FGFR2: variants seen among roughly 807,000 people sequenced by gnomAD.
FGFR2 encodes fibroblast growth factor receptor 2, also known as BEK fibroblast growth factor receptor.
Under a neutral mutation model 95.9 loss-of-function variants are expected in FGFR2, and 19 were observed. That is an observed-to-expected ratio of 0.20 (90% CI 0.14 to 0.29). FGFR2 has a LOEUF of 0.29. Among genes scored for constraint, FGFR2 ranks in the 10% least tolerant of loss-of-function variants. FGFR2 has a pLI of 1.00. For missense variants in FGFR2, 707 were observed against 1,056.9 expected, an observed-to-expected ratio of 0.67 and a Z score of 4.59; for synonymous variants, 392 against 393.3, an observed-to-expected ratio of 1.00 and a Z score of 0.04.
At chr10:121,525,187 G>A (rs528553667) in intron 6 of FGFR2, among the ~76,000 whole-genome samples, 51 of 152,222 alleles carry the variant, frequency 3.4e-4, no homozygotes, top group African/African-American at 1.2e-3. Flanking sequence ...AAGAATAGAC[G>A]TTCTGAGGTT....
At chr10:121,580,009 T>C (rs913563287) in intron 2 of FGFR2, among the ~76,000 whole-genome samples, 1 of 152,184 alleles carries the variant, frequency 6.6e-6, no homozygotes, top group Admixed American at 6.5e-5. Context: ...AAATGGTGCA[T>C]ACTCCAGCGG....
chr10:121,572,158 G>A (rs28447442), intron 2 of FGFR2, among the ~76,000 whole-genome samples: 86 of 105,796 alleles, frequency 8.1e-4, no homozygotes, highest in African/African-American at 1.5e-3. Flanking sequence ...CACAAAAAAT[G>A]AAAAAAAAAA....
At position 121,593,608 on chromosome 10, in the gene FGFR2, C is replaced by T. The variant is rs1862999407; in HGVS notation, c.109+101G>A. ...CCACGATCTGGTGCTCTTAGAAGCC[C>T]CATTTACAATGCAAGGGTAGCTGAT... On this transcript the variant is annotated intron_variant, in intron 2 of 17. Transcript: ENST00000358487. 7.9e-6 allele frequency: 8 copies of T among 1,018,808 alleles called. No individual in the cohort carries two copies. In the Admixed American group the frequency reaches 1.6e-4, roughly 20 times the overall value. 63.1% of individuals were successfully genotyped at this position (1,018,808 alleles called of 1,614,324 possible).
At chr10:121,496,397 G>T in intron 13 of FGFR2, 135 bp downstream of exon 13, 1 of 905,758 alleles carries the variant, frequency 1.1e-6, no homozygotes, top group Non-Finnish European at 1.8e-6. Flanking sequence ...TGGGAATAAC[G>T]CAATAAATAT....
intron 1 of FGFR2, chr10:121,594,242 T>C (rs1252117625): frequency 2.6e-6 from 1 of 386,772 alleles, no homozygotes; most frequent in Non-Finnish European, 4.8e-6. Context: ...GCCACTTCAG[T>C]GAGGCAATGT....
intron 2 of FGFR2, among the ~76,000 whole-genome samples, chr10:121,566,428 G>T (rs1485662052): frequency 1.3e-5 from 2 of 152,134 alleles, no homozygotes; most frequent in African/African-American, 2.4e-5. Context: ...ACTTACAGGG[G>T]TCCTGAAATG....
At chr10:121,495,955 G>A (rs554725835) in intron 13 of FGFR2, among the ~76,000 whole-genome samples, 16 of 152,284 alleles carry the variant, frequency 1.1e-4, no homozygotes, top group African/African-American at 1.4e-4. Context: ...TAAGTGGCAC[G>A]CCTGGAATGC....
At chr10:121,545,115 C>A (rs1180600570) in intron 5 of FGFR2, among the ~76,000 whole-genome samples, 1 of 152,156 alleles carries the variant, frequency 6.6e-6, no homozygotes, top group African/African-American at 2.4e-5. Flanking sequence ...TGCACTCCAG[C>A]CTGCGCAATA....
intron 5 of FGFR2, 60 bp from the exon 6 acceptor site, chr10:121,538,775 G>C (rs749941207): frequency 4.7e-5 from 75 of 1,609,196 alleles, no homozygotes; most frequent in Non-Finnish European, 6.2e-5. Flanking sequence ...ACCAAGTACT[G>C]TGCTTTCTTG....
intron 13 of FGFR2, among the ~76,000 whole-genome samples, chr10:121,495,765 C>A (rs1283451187): frequency 1.3e-5 from 2 of 152,300 alleles, no homozygotes; most frequent in East Asian, 3.9e-4. Flanking sequence ...CCTGGCACTG[C>A]AATAAACTGC....
rs2134258168 is a variant in FGFR2, at chr10:121,517,409, C to T, written c.994G>A (p.Val332Ile). The change falls in exon 8 of 18, where the codon GTA (valine) becomes ATA (isoleucine). Residue 332 changes from valine to isoleucine, a missense_variant. Val to Ile is a conservative substitution (Grantham distance 29). Coordinates refer to ENST00000358487, the MANE Select transcript of FGFR2 (RefSeq NM_000141.5). The surrounding 1 kb of genome is among the most constrained non-coding windows in gnomAD (Gnocchi z 4.7). ...KEIEVLYIRNVTFEDAGEYTC... is the reference protein window; with the variant it reads ...KEIEVLYIRNITFEDAGEYTC... ...TATTCCCCAGCGTCCTCAAAAGTTA[C>T]ATTCCGAATATAGAGAACCTCAATC... is the stretch of plus-strand genomic sequence containing the variant. 1.2e-6 allele frequency: 2 copies of T among 1,614,230 alleles called. No homozygotes were observed. Among genetic ancestry groups the T allele is most frequent in the South Asian group, 1.1e-5 (1 of 91,080 alleles).
intron 6 of FGFR2, among the ~76,000 whole-genome samples, chr10:121,530,670 T>C (rs1358576420): frequency 6.6e-6 from 1 of 152,184 alleles, no homozygotes; most frequent in Admixed American, 6.5e-5. Context: ...CAGCCGTTGA[T>C]AAAGCCACAT....
intron 17 of FGFR2, among the ~76,000 whole-genome samples, chr10:121,482,542 T>C (rs921484510): frequency 6.6e-6 from 1 of 152,236 alleles, no homozygotes; most frequent in African/African-American, 2.4e-5. Context: ...GACAATTGCA[T>C]GGTTTGGAGT....
In FGFR2 at chr10:121,518,468, A is replaced by G. The variant is rs1849998595; in HGVS notation, c.940-1005T>C. On this transcript the variant is annotated intron_variant, in intron 7 of 17. Transcript: ENST00000358487. The surrounding 1 kb of genome is among the most constrained non-coding windows in gnomAD (Gnocchi z 4.0). ...GGTGGGGGTGGAGGCTAATCTCTAGAAGAAATTGGAGCAAGCACTTTGAAC... is the reference window on the plus strand; with the variant it reads ...GGTGGGGGTGGAGGCTAATCTCTAGGAGAAATTGGAGCAAGCACTTTGAAC... 6.6e-6 allele frequency among the ~76,000 whole-genome samples: 1 copy of G among 152,192 alleles called. No individual in the cohort carries two copies. The highest frequency in any genetic ancestry group is 2.4e-5 in the African/African-American group (1 of 41,456).
intron 10 of FGFR2, among the ~76,000 whole-genome samples, chr10:121,501,910 A>G (rs994092405): frequency 2.0e-5 from 3 of 152,262 alleles, no homozygotes; most frequent in African/African-American, 7.2e-5. Context: ...TACTACAAGC[A>G]TAACAATCCT....
At chr10:121,581,173 C>G (rs1590078318) in intron 2 of FGFR2, among the ~76,000 whole-genome samples, 1 of 152,226 alleles carries the variant, frequency 6.6e-6, no homozygotes, top group Non-Finnish European at 1.5e-5. Flanking sequence ...CCGGCCTCCT[C>G]ACTCGCCACA....
chr10:121,586,255 A>G (rs1186606032), intron 2 of FGFR2, among the ~76,000 whole-genome samples: 1 of 152,230 alleles, frequency 6.6e-6, no homozygotes, highest in Non-Finnish European at 1.5e-5. Flanking sequence ...GTCCTCTCCA[A>G]GAAAGGCGCT....
intron 2 of FGFR2, among the ~76,000 whole-genome samples, chr10:121,593,061 C>T (rs912152098): frequency 2.0e-5 from 3 of 152,100 alleles, no homozygotes; most frequent in Non-Finnish European, 2.9e-5. Context: ...GCTGTGACAC[C>T]GGCGCATGCC....
rs1256599317 is a variant in FGFR2 at position 121,479,305 on chromosome 10, A to G, written c.*552T>C. 1.2e-5 allele frequency: 3 copies of G among 256,560 alleles called. No homozygotes were observed. The highest frequency in any genetic ancestry group is 6.5e-5 in the African/African-American group (3 of 45,844). 15.9% of individuals were successfully genotyped at this position (256,560 alleles called of 1,614,324 possible). ...AGTATTTTTCCACCTCTGCTCGGTG[A>G]AAATTAAGAAATTATGTGTAAGAAC... On this transcript the variant is annotated 3_prime_UTR_variant, in exon 18 of 18. Coordinates refer to ENST00000358487, the MANE Select transcript of FGFR2 (RefSeq NM_000141.5).
Sources: gnomAD v4.1 joint callset for allele counts (sites outside exome capture counted in the v4.1 genomes callset) on GRCh38, gnomAD v4.1.1 for gene constraint, Gnocchi (gnomAD v3.1) non-coding constraint, MANE v1.5 for transcripts, NCBI Gene and HGNC (gene_info 2026-07-23, HGNC 2026-07-21) for gene names.